The following KIAA0586 variants were observed in gnomAD, a reference collection of about 807,000 sequenced individuals.
The protein encoded by KIAA0586 is protein TALPID3.
KIAA0586 carries 144 observed loss-of-function variants against 169.8 expected under a neutral mutation model. That is an observed-to-expected ratio of 0.85 (90% CI 0.74 to 0.97). The LOEUF is 0.97. KIAA0586 is among the 50% of genes least tolerant of loss of function. The pLI is 0.00. For synonymous variants in KIAA0586, 625 were observed against 612.4 expected (o/e 1.02, Z -0.30); for missense variants, 1,854 against 1,823.0 (o/e 1.02, Z -0.31).
At chr14:58,513,600 A>G (rs1341659261) in intron 29 of KIAA0586, among the ~76,000 whole-genome samples, 3 of 151,348 alleles carry the variant, frequency 2.0e-5, no homozygotes, top group African/African-American at 7.3e-5. Flanking sequence ...TAACCTCACC[A>G]TAGTACGTTA....
chr14:58,473,453 A>G (rs1473587860), intron 18 of KIAA0586, among the ~76,000 whole-genome samples: 1 of 152,154 alleles, frequency 6.6e-6, no homozygotes, highest in Non-Finnish European at 1.5e-5. Context: ...AAATAACTCT[A>G]TTGGTTATGA....
At position 58,427,730 on chromosome 14, in the gene KIAA0586, A is replaced by C; in HGVS notation, c.-535A>C. 2.0e-6 allele frequency: 3 copies of C among 1,534,532 alleles called. No individual in the cohort carries two copies. Among genetic ancestry groups the C allele is most frequent in the Non-Finnish European group, 2.6e-6 (3 of 1,146,730 alleles). ...TGCGGGCAACTGACGCTGTTGTCAG[A>C]TTACACCCACGACGGTGCGGGTCTC... On this transcript the variant is annotated 5_prime_UTR_variant, in exon 1 of 31. Coordinates refer to ENST00000652326, the MANE Select transcript of KIAA0586 (RefSeq NM_001329943.3).
chr14:58,545,867 AC>A (rs1228707874), intron 30 of KIAA0586, among the ~76,000 whole-genome samples: 1 of 151,670 alleles, frequency 6.6e-6, no homozygotes, highest in Admixed American at 6.6e-5. Flanking sequence ...CCCTCCCTCT[AC>A]AAAAAATTTT....
chr14:58,456,066 C>T (rs1048640528), intron 9 of KIAA0586, among the ~76,000 whole-genome samples: 33 of 151,972 alleles, frequency 2.2e-4, no homozygotes, highest in African/African-American at 7.7e-4. Context: ...GATACTTTCT[C>T]GCTGAGCTAG....
intron 6 of KIAA0586, among the ~76,000 whole-genome samples, chr14:58,445,034 A>C (rs868133653): frequency 6.6e-6 from 1 of 151,800 alleles, no homozygotes; most frequent in East Asian, 1.9e-4. Context: ...TTGCAGTTAC[A>C]GTGAACTATG....
At chr14:58,474,958 A>G (rs1380729211) in intron 19 of KIAA0586, among the ~76,000 whole-genome samples, 161 bp downstream of exon 19, 3 of 152,180 alleles carry the variant, frequency 2.0e-5, no homozygotes, top group Non-Finnish European at 4.4e-5. Flanking sequence ...GGGCTTAACT[A>G]TTGTTGGAGG....
chr14:58,435,911 G>T (rs1188240993), intron 4 of KIAA0586, among the ~76,000 whole-genome samples: 1 of 152,036 alleles, frequency 6.6e-6, no homozygotes, highest in Non-Finnish European at 1.5e-5. Flanking sequence ...GTTTTGCCAT[G>T]TTAGCCAGGC....
At chr14:58,517,943 T>TA (rs2044884472) in intron 29 of KIAA0586, among the ~76,000 whole-genome samples, 1 of 152,180 alleles carries the variant, frequency 6.6e-6, no homozygotes. Flanking sequence ...AAACTATAGA[T>TA]ATGGAGAACA....
intron 29 of KIAA0586, among the ~76,000 whole-genome samples, chr14:58,522,141 C>T (rs539083023): frequency 6.6e-6 from 1 of 152,238 alleles, no homozygotes; most frequent in Non-Finnish European, 1.5e-5. Context: ...TTCATTAATT[C>T]ATAGTGCCCT....
chr14:58,436,093 G>A (rs1486268005), intron 4 of KIAA0586, among the ~76,000 whole-genome samples: 1 of 152,106 alleles, frequency 6.6e-6, no homozygotes, highest in East Asian at 1.9e-4. Context: ...TTGGGAACAA[G>A]ACAAGATGTC....
intron 3 of KIAA0586, 73 bp downstream of exon 3, chr14:58,430,790 T>C: frequency 1.2e-6 from 1 of 814,128 alleles, no homozygotes; most frequent in Non-Finnish European, 2.0e-6. Context: ...CTTTAAAATG[T>C]ACAGTTCTGT....
At chr14:58,552,196 C>T (rs2047216694), downstream of KIAA0586, among the ~76,000 whole-genome samples, 1 of 152,072 alleles carries the variant, frequency 6.6e-6, no homozygotes, top group Admixed American at 6.6e-5. Flanking sequence ...TAGAGAAAAG[C>T]CAATTTTCTA....
rs542220073 is a variant in KIAA0586, at chr14:58,431,628, G to C, written c.341-760G>C. 1.8e-4 allele frequency among the ~76,000 whole-genome samples: 28 copies of C among 152,258 alleles called. 1 individual carries two copies. The East Asian group carries it at 5.0e-3, about 27-fold the overall frequency. ...GAAAAATGATGTTGGTAATTGAATA[G>C]GAATTGCATTGAATCTGTAGATGGC... is the stretch of plus-strand genomic sequence containing the variant. On this transcript the variant is annotated intron_variant, in intron 3 of 30. Transcript: ENST00000652326.
In KIAA0586 at chr14:58,442,832, G is replaced by A; in HGVS notation, c.537G>A (p.Val179=). 1 of 1,610,556 alleles carries A rather than the reference G, an allele frequency of 6.2e-7. No individual in the cohort carries two copies. Among genetic ancestry groups the A allele is most frequent in the Non-Finnish European group, 8.5e-7 (1 of 1,178,408 alleles). The change falls in exon 5 of 31, where the codon GTG becomes GTA. Residue 179 remains valine, a synonymous_variant. Transcript: ENST00000652326. ...GTGGAATTGATTCAGCTACAACCGT[G>A]GCTGCAGCAACTGCTGCTGCCATTG... is the stretch of plus-strand genomic sequence containing the variant. ...SPSGIDSATT[V]AAATAAAIAT... is the part of the protein sequence containing the mutation.
intron 27 of KIAA0586, among the ~76,000 whole-genome samples, chr14:58,504,231 T>C (rs1466616482): frequency 6.6e-6 from 1 of 152,144 alleles, no homozygotes; most frequent in African/African-American, 2.4e-5. Flanking sequence ...GATGAGACAT[T>C]ATTCAGTAAT....
chr14:58,526,758 C>T (rs769896446), intron 29 of KIAA0586, among the ~76,000 whole-genome samples: 12 of 152,128 alleles, frequency 7.9e-5, no homozygotes, highest in South Asian at 2.1e-4. Context: ...CAAACTCCTC[C>T]GAGCTAAAGG....
chr14:58,543,858 C>CT (rs151221880), intron 30 of KIAA0586: 837 of 388,050 alleles, frequency 2.2e-3, no homozygotes, highest in East Asian at 7.0e-3. Flanking sequence ...ATTTTTACCT[C>CT]TTTTTTTTTT....
chr14:58,515,872 C>T (rs1220577505), intron 29 of KIAA0586, among the ~76,000 whole-genome samples: 1 of 151,346 alleles, frequency 6.6e-6, no homozygotes, highest in East Asian at 1.9e-4. Context: ...AAGAGTGTCA[C>T]TTTCACCCTA....
At chr14:58,557,924 TTTTTG>T in the KIAA0586 span, among the ~76,000 whole-genome samples, 1 of 139,460 alleles carries the variant, frequency 7.2e-6, no homozygotes, top group African/African-American at 2.8e-5. Flanking sequence ...TTTTTTTTTT[TTTTTG>T]AGACAGGGTT....
Sources: gnomAD v4.1 joint callset for allele counts (sites outside exome capture counted in the v4.1 genomes callset) on GRCh38, gnomAD v4.1.1 for gene constraint, MANE v1.5 for transcripts, NCBI Gene and HGNC (gene_info 2026-07-23, HGNC 2026-07-21) for gene names.